PARD3B: variants seen among roughly 807,000 people sequenced by gnomAD.
PARD3B encodes the protein partitioning defective 3 homolog B.
PARD3B carries 103 observed loss-of-function variants against 130.2 expected under a neutral mutation model. The ratio of observed to expected loss-of-function variants is 0.79; its 90% CI spans 0.67 to 0.93. The LOEUF (loss-of-function observed/expected upper bound fraction) is 0.93. Among genes scored for constraint, PARD3B ranks in the 40% least tolerant of loss-of-function variants. The probability of loss-of-function intolerance (pLI) is 0.00; values close to 1 mark genes in which losing one functional copy is unlikely to be tolerated. For missense variants in PARD3B, 1,609 were observed against 1,499.2 expected (o/e 1.07, Z -1.21); for synonymous variants, 583 against 553.2 (o/e 1.05, Z -0.76).
intron 22 of PARD3B, among the ~76,000 whole-genome samples, chr2:205,579,482 G>A (rs1013252258): frequency 6.6e-6 from 1 of 152,168 alleles, no homozygotes; most frequent in Admixed American, 6.5e-5. Context: ...TTATGAACCA[G>A]CACACACCAG....
intron 2 of PARD3B, among the ~76,000 whole-genome samples, chr2:204,878,901 G>A (rs1575195458): frequency 6.6e-6 from 1 of 152,010 alleles, no homozygotes; most frequent in African/African-American, 2.4e-5. Context: ...AAGAAATGAA[G>A]CATACAGTAG....
intron 1 of PARD3B, among the ~76,000 whole-genome samples, chr2:204,600,444 G>A (rs1241707755): frequency 6.6e-6 from 1 of 151,392 alleles, no homozygotes; most frequent in East Asian, 1.9e-4. Flanking sequence ...AATATTCTTT[G>A]CACCTTTGTC....
intron 1 of PARD3B, among the ~76,000 whole-genome samples, chr2:204,568,407 T>C (rs940100656): frequency 2.6e-5 from 4 of 152,248 alleles, no homozygotes; most frequent in Admixed American, 2.6e-4. Flanking sequence ...GTTTTGTTCT[T>C]GACTGGGAAA....
intron 2 of PARD3B, among the ~76,000 whole-genome samples, chr2:204,779,682 A>T (rs554760486): frequency 6.6e-6 from 1 of 152,266 alleles, no homozygotes; most frequent in East Asian, 1.9e-4. Flanking sequence ...TTACAATCAA[A>T]TGCCTCCTTA....
chr2:204,865,863 A>G (rs1268427890), intron 2 of PARD3B, among the ~76,000 whole-genome samples: 3 of 152,220 alleles, frequency 2.0e-5, no homozygotes, highest in Non-Finnish European at 4.4e-5. Flanking sequence ...AAATGATGCA[A>G]GGAATCCATT....
At chr2:204,918,122 G>A (rs1298329983) in intron 2 of PARD3B, among the ~76,000 whole-genome samples, 1 of 152,178 alleles carries the variant, frequency 6.6e-6, no homozygotes, top group Non-Finnish European at 1.5e-5. Context: ...GTTAAACCAA[G>A]AAGAGATAAA....
At chr2:205,594,150 A>G (rs1344082833) in intron 22 of PARD3B, among the ~76,000 whole-genome samples, 1 of 152,136 alleles carries the variant, frequency 6.6e-6, no homozygotes, top group African/African-American at 2.4e-5. Context: ...ATTGGAGGCC[A>G]CCTACACAAA....
intron 2 of PARD3B, among the ~76,000 whole-genome samples, chr2:204,789,818 C>G (rs1294025067): frequency 6.6e-6 from 1 of 151,802 alleles, no homozygotes; most frequent in Non-Finnish European, 1.5e-5. Flanking sequence ...GTGACCTCCT[C>G]AAGTCCTTTA....
intron 2 of PARD3B, among the ~76,000 whole-genome samples, chr2:204,692,824 A>G (rs1180881175): frequency 6.6e-6 from 1 of 152,056 alleles, no homozygotes; most frequent in Non-Finnish European, 1.5e-5. Flanking sequence ...ATAGAATTAC[A>G]AAATTGTAGA....
intron 1 of PARD3B, among the ~76,000 whole-genome samples, chr2:204,566,298 C>T (rs373158148): frequency 3.9e-5 from 6 of 152,304 alleles, no homozygotes; most frequent in African/African-American, 9.6e-5. Flanking sequence ...TGAACTCAGT[C>T]GTCATGTTTG....
chr2:204,848,711 T>C (rs2044572979), intron 2 of PARD3B, among the ~76,000 whole-genome samples: 1 of 151,074 alleles, frequency 6.6e-6, no homozygotes, highest in African/African-American at 2.4e-5. Flanking sequence ...TCTATATATA[T>C]ATTTTAAACA....
chr2:205,227,318 T>C (rs928494057), intron 15 of PARD3B, among the ~76,000 whole-genome samples: 1 of 152,208 alleles, frequency 6.6e-6, no homozygotes, highest in Non-Finnish European at 1.5e-5. Flanking sequence ...TCTCTCTGCC[T>C]CTTTAGCTTT....
At chr2:204,992,588 A>G (rs1036934784) in intron 3 of PARD3B, among the ~76,000 whole-genome samples, 1 of 123,114 alleles carries the variant, frequency 8.1e-6, no homozygotes, top group Non-Finnish European at 1.7e-5. Flanking sequence ...TATGAACTTT[A>G]AAGTAGTTTT....
chr2:205,356,017 G>A (rs896395264), intron 18 of PARD3B, among the ~76,000 whole-genome samples: 2 of 152,178 alleles, frequency 1.3e-5, no homozygotes, highest in African/African-American at 2.4e-5. Flanking sequence ...TTCCAGATGA[G>A]ATTTGGGTGG....
chr2:205,124,423 C>A lies in PARD3B; in HGVS notation c.1262C>A (p.Ala421Glu). ...AAAAACATTTTACCAAAGGGAGCAG[C>A]AATAAAAGATGGCCGCCTACAATCA... ...FVKNILPKGAAIKDGRLQSGD... is the reference protein window; with the variant it reads ...FVKNILPKGAEIKDGRLQSGD... The change falls in exon 9 of 23, where the codon GCA becomes GAA. Residue 421 changes from alanine to glutamate, a missense_variant. Ala to Glu is a moderately radical substitution (Grantham distance 107). Transcript: ENST00000406610. 1 of 1,601,494 alleles carries A rather than the reference C, an allele frequency of 6.2e-7. No individual in the cohort carries two copies. Among genetic ancestry groups the A allele is most frequent in the Non-Finnish European group, 8.5e-7 (1 of 1,173,370 alleles).
At chr2:204,866,861 G>T (rs564865623) in intron 2 of PARD3B, among the ~76,000 whole-genome samples, 12 of 152,098 alleles carry the variant, frequency 7.9e-5, no homozygotes, top group South Asian at 2.1e-4. Flanking sequence ...CTGAGGTCAG[G>T]AGTTTGAGAC....
chr2:204,920,350 A>T (rs1476286512), intron 2 of PARD3B, among the ~76,000 whole-genome samples: 1 of 152,026 alleles, frequency 6.6e-6, no homozygotes, highest in Non-Finnish European at 1.5e-5. Context: ...GGATTTTTGT[A>T]TTTCCCCTCA....
At chr2:205,178,405 A>T in intron 13 of PARD3B, among the ~76,000 whole-genome samples, 1 of 152,090 alleles carries the variant, frequency 6.6e-6, no homozygotes, top group East Asian at 1.9e-4. Context: ...GTGAGCCAAG[A>T]TCGTGCCACT....
chr2:204,677,041 ACAG>A lies in PARD3B; in HGVS notation c.121-9137_121-9135del, dbSNP rs953813133. On this transcript the variant is annotated intron_variant, in intron 1 of 22. Transcript: ENST00000406610. This position sits in a 1 kb window ranked among gnomAD's most constrained non-coding sequence, Gnocchi z 4.1. The stretch of plus-strand genomic sequence containing the variant: ...CTATCGTCTATGTATCATTTCTAGA[ACAG>A]CACAGAAAAAGCCAAATCTCTCTTT... 2.6e-5 allele frequency among the ~76,000 whole-genome samples: 4 copies of A among 152,104 alleles called. No individual in the cohort carries two copies. The highest frequency in any genetic ancestry group is 9.7e-5 in the African/African-American group (4 of 41,410).
Sources: allele counts gnomAD v4.1 joint callset (sites outside exome capture counted in the v4.1 genomes callset), GRCh38; gene constraint gnomAD v4.1.1; non-coding constraint Gnocchi (gnomAD v3.1); transcripts MANE v1.5; gene names NCBI Gene and HGNC (gene_info 2026-07-23, HGNC 2026-07-21).